The following INTS9 variants were observed in gnomAD, a reference collection of about 807,000 sequenced individuals.
The protein encoded by INTS9 is integrator complex subunit 9, also known as protein related to CPSF subunits of 74 kDa.
In INTS9, 55 loss-of-function variants were observed where a neutral mutation model predicts 79.7. The ratio of observed to expected loss-of-function variants is 0.69; its 90% CI spans 0.56 to 0.86. The LOEUF is 0.86. Among genes scored for constraint, INTS9 ranks in the 40% least tolerant of loss-of-function variants. The pLI is 0.00. For missense variants in INTS9, 721 were observed against 831.5 expected (o/e 0.87, Z 1.64); for synonymous variants, 319 against 325.2 (o/e 0.98, Z 0.20).
At chr8:28,770,898 G>T in intron 15 of INTS9, 84 bp downstream of exon 15, 1 of 925,334 alleles carries the variant, frequency 1.1e-6, no homozygotes, top group Non-Finnish European at 1.7e-6. Flanking sequence ...TTCACATGAA[G>T]CGCTATTTCA....
intron 6 of INTS9, 31 bp from the exon 7 acceptor site, chr8:28,813,643 G>A (rs1805292829): frequency 6.2e-7 from 1 of 1,609,040 alleles, no homozygotes; most frequent in Non-Finnish European, 8.5e-7. Flanking sequence ...CAACTACCAG[G>A]TGAACATTTC....
intron 5 of INTS9, 30 bp downstream of exon 5, chr8:28,837,607 T>C (rs747142077): frequency 2.5e-6 from 4 of 1,606,654 alleles, no homozygotes; most frequent in East Asian, 2.2e-5. Context: ...CGCAGTCACA[T>C]CCTAGCAGGG....
intron 11 of INTS9, among the ~76,000 whole-genome samples, chr8:28,787,091 G>A (rs1198031971): frequency 6.6e-6 from 1 of 152,110 alleles, no homozygotes; most frequent in African/African-American, 2.4e-5. Context: ...AAAATGAGGA[G>A]TAACTATTGT....
At chr8:28,797,461 T>C (rs1359727361) in intron 8 of INTS9, among the ~76,000 whole-genome samples, 1 of 152,064 alleles carries the variant, frequency 6.6e-6, no homozygotes, top group Non-Finnish European at 1.5e-5. Context: ...TCTTGACCCA[T>C]CTCCCCTAGA....
intron 8 of INTS9, among the ~76,000 whole-genome samples, chr8:28,803,521 G>C (rs558511914): frequency 5.3e-5 from 8 of 152,144 alleles, no homozygotes; most frequent in Admixed American, 4.6e-4. Flanking sequence ...CTGTACAACT[G>C]TTTGAAATAA....
rs1806890446 is a variant in INTS9, at chr8:28,837,655, G to A, written c.383C>T (p.Pro128Leu). The A allele has an allele frequency of 1.2e-6, 2 of 1,613,144 alleles. No homozygotes were observed. Among genetic ancestry groups the A allele is most frequent in the Admixed American group, 1.7e-5 (1 of 59,986 alleles). Residue 128 changes from proline to leucine, a missense_variant, in exon 5 of 17, where the codon CCC (proline) becomes CTC (leucine). Pro to Leu is a moderately conservative substitution (Grantham distance 98). Around this residue, in one of 3 missense-constraint regions of INTS9, gnomAD observed 291 missense variants for 307.0 expected, o/e 0.95. Transcript: ENST00000521022. ...GFTGTVYATE[P>L]TVQIGRLLME... Reference sequence around the variant, plus strand: ...CTCTCACCTGCCGATCTGGACGGTGGGTTCCGTGGCATACACTGTGCCTGT... The same window carrying A: ...CTCTCACCTGCCGATCTGGACGGTGAGTTCCGTGGCATACACTGTGCCTGT...
At chr8:28,804,037 C>T (rs1248045959) in intron 8 of INTS9, among the ~76,000 whole-genome samples, 1 of 152,206 alleles carries the variant, frequency 6.6e-6, no homozygotes, top group Admixed American at 6.5e-5. Flanking sequence ...GATCCTCCCA[C>T]CTCAGCATCC....
At chr8:28,867,961 C>T (rs1259616434) in intron 1 of INTS9, among the ~76,000 whole-genome samples, 1 of 152,160 alleles carries the variant, frequency 6.6e-6, no homozygotes, top group African/African-American at 2.4e-5. Flanking sequence ...AAAACATTCA[C>T]ATGATCCCAA....
chr8:28,786,064 TTG>T (rs1234234938), intron 11 of INTS9, among the ~76,000 whole-genome samples: 1 of 152,224 alleles, frequency 6.6e-6, no homozygotes, highest in Non-Finnish European at 1.5e-5. Context: ...GATCAGTTTA[TTG>T]TGTTTTTGAA....
chr8:28,812,618 C>T (rs1377743710), intron 7 of INTS9, among the ~76,000 whole-genome samples, 157 bp from the exon 8 acceptor site: 2 of 152,236 alleles, frequency 1.3e-5, no homozygotes, highest in African/African-American at 4.8e-5. Context: ...CGCCTGTAAT[C>T]CCAGCACTTT....
At chr8:28,781,697 A>G (rs1264448655) in intron 11 of INTS9, among the ~76,000 whole-genome samples, 1 of 152,212 alleles carries the variant, frequency 6.6e-6, no homozygotes, top group Admixed American at 6.5e-5. Flanking sequence ...CAAGGCCCCT[A>G]TGATTCCAAC....
intron 16 of INTS9, among the ~76,000 whole-genome samples, chr8:28,769,004 TAA>T (rs1457236646): frequency 6.6e-6 from 1 of 152,122 alleles, no homozygotes; most frequent in Non-Finnish European, 1.5e-5. Context: ...GTCCTCATCT[TAA>T]GTTTTTAAAA....
chr8:28,879,077 A>G (rs1245791039), intron 1 of INTS9, among the ~76,000 whole-genome samples: 1 of 152,246 alleles, frequency 6.6e-6, no homozygotes, highest in Admixed American at 6.5e-5. Flanking sequence ...TTTCCAACGC[A>G]TTCTATGAGA....
intron 13 of INTS9, among the ~76,000 whole-genome samples, chr8:28,777,286 G>A (rs1315735837): frequency 6.6e-6 from 1 of 152,154 alleles, no homozygotes; most frequent in Non-Finnish European, 1.5e-5. Context: ...AACCCAGCGA[G>A]CAGTGGCTGA....
In INTS9 at chr8:28,850,118, A is replaced by C. The variant is rs1807748597; in HGVS notation, c.198+95T>G. 7 of 831,474 alleles carry C rather than the reference A, an allele frequency of 8.4e-6. No homozygotes were observed. In the South Asian group the frequency reaches 1.3e-4, roughly 15 times the overall value. 51.5% of individuals were successfully genotyped at this position (831,474 alleles called of 1,614,324 possible). On this transcript the variant is annotated intron_variant, in intron 3 of 16. Transcript: ENST00000521022. ...ATTTTCAGAGAGGAAAAAAAAAAAA[A>C]GCCATCAGTCACACTACTACAGGGT...
At chr8:28,789,524 A>G (rs1453860567) in intron 10 of INTS9, among the ~76,000 whole-genome samples, 1 of 152,176 alleles carries the variant, frequency 6.6e-6, no homozygotes, top group African/African-American at 2.4e-5. Context: ...TTTATCTCTA[A>G]TTGGGAATGT....
At chr8:28,818,210 G>A (rs1364786961) in intron 6 of INTS9, among the ~76,000 whole-genome samples, 3 of 139,772 alleles carry the variant, frequency 2.1e-5, no homozygotes, top group Non-Finnish European at 4.7e-5. Context: ...TGGTGAGAGA[G>A]GGCATCCCTG....
At chr8:28,789,177 T>C (rs1307884723) in intron 10 of INTS9, among the ~76,000 whole-genome samples, 3 of 152,210 alleles carry the variant, frequency 2.0e-5, no homozygotes, top group Non-Finnish European at 4.4e-5. Flanking sequence ...GAGACAAATA[T>C]AAGAGCTTGG....
chr8:28,865,395 C>T (rs1167428317), intron 1 of INTS9, among the ~76,000 whole-genome samples: 2 of 151,440 alleles, frequency 1.3e-5, no homozygotes, highest in African/African-American at 2.4e-5. Context: ...CTGCTCATGC[C>T]CAGGAGTTGA....
Sources: gnomAD v4.1 joint callset for allele counts (sites outside exome capture counted in the v4.1 genomes callset) on GRCh38, gnomAD v4.1.1 for gene constraint, gnomAD v4.1.1 regional missense constraint, MANE v1.5 for transcripts, NCBI Gene and HGNC (gene_info 2026-07-23, HGNC 2026-07-21) for gene names.